The following TAS2R1 variants were observed in gnomAD, a reference collection of about 807,000 sequenced individuals.
The protein encoded by TAS2R1 is taste receptor type 2 member 1.
For synonymous variants in TAS2R1, 141 were observed against 134.2 expected, an observed-to-expected ratio of 1.05 and a Z score of -0.35; for missense variants, 370 against 353.4, an observed-to-expected ratio of 1.05 and a Z score of -0.38.
chr5:9,710,761 C>G (rs1467908805), intron 1 of TAS2R1, among the ~76,000 whole-genome samples: 1 of 151,352 alleles, frequency 6.6e-6, no homozygotes, highest in Admixed American at 6.6e-5. Flanking sequence ...AGAATACATA[C>G]AAATGGCCAA....
chr5:9,627,376 C>G lies in TAS2R1; in HGVS notation c.*1757G>C, dbSNP rs761132431. ...TTTTAGAATTGTTTTATTATGAATT[C>G]TTTTTTTAAACATTTCTTGATAACA... is the stretch of plus-strand genomic sequence containing the variant. On this transcript the variant is annotated 3_prime_UTR_variant, in exon 1 of 1. Coordinates refer to ENST00000382492, the MANE Select transcript of TAS2R1 (RefSeq NM_019599.3). Among the ~76,000 whole-genome samples the G allele has an allele frequency of 4.9e-4, 74 of 152,200 alleles. No homozygotes were observed. Among genetic ancestry groups the G allele is most frequent in the Non-Finnish European group, 5.9e-4 (40 of 67,996 alleles).
chr5:9,779,514 A>G, the TAS2R1 span, among the ~76,000 whole-genome samples: 3 of 152,196 alleles, frequency 2.0e-5, no homozygotes, highest in Admixed American at 6.5e-5. Context: ...TAACTGGCCT[A>G]TTTTCAATAT....
At chr5:9,640,440 G>GA (rs770686001) in intron 2 of TAS2R1, among the ~76,000 whole-genome samples, 2 of 126,130 alleles carry the variant, frequency 1.6e-5, no homozygotes, top group Admixed American at 9.7e-5. Context: ...CAAGCTGTTG[G>GA]AAAAATGACC....
the TAS2R1 span, among the ~76,000 whole-genome samples, chr5:9,811,508 G>T: frequency 2.6e-5 from 4 of 152,258 alleles, no homozygotes; most frequent in Non-Finnish European, 4.4e-5. Flanking sequence ...TAGGACAGTT[G>T]TTCCTGAGCC....
chr5:9,762,364 C>T, the TAS2R1 span, among the ~76,000 whole-genome samples: 1 of 152,238 alleles, frequency 6.6e-6, no homozygotes, highest in Admixed American at 6.5e-5. Flanking sequence ...AGTCAAGGGA[C>T]CCCAGTCTCG....
rs968862884 is a variant in TAS2R1 at position 9,629,035 on chromosome 5, A to G, written c.*98T>C. 1.3e-5 allele frequency: 17 copies of G among 1,291,140 alleles called. No homozygotes were observed. Among genetic ancestry groups the G allele is most frequent in the African/African-American group, 8.9e-5 (6 of 67,630 alleles). The allele number at this position is 1,291,140 out of a possible 1,614,324, so 80.0% of individuals were successfully genotyped here. The stretch of plus-strand genomic sequence containing the variant: ...AACAGGCCTGAAGGGGACATGTTGT[A>G]TATTTATGAACAGGCTGCTTTGTCT... On this transcript the variant is annotated 3_prime_UTR_variant, in exon 1 of 1. Coordinates refer to ENST00000382492, the MANE Select transcript of TAS2R1 (RefSeq NM_019599.3).
At chr5:9,683,027 T>C (rs1741056636) in intron 1 of TAS2R1, among the ~76,000 whole-genome samples, 1 of 152,310 alleles carries the variant, frequency 6.6e-6, no homozygotes, top group Non-Finnish European at 1.5e-5. Flanking sequence ...AAAAGATCCT[T>C]TAATGTAGTC....
At chr5:9,836,285 G>A in the TAS2R1 span, among the ~76,000 whole-genome samples, 1 of 151,966 alleles carries the variant, frequency 6.6e-6, no homozygotes, top group African/African-American at 2.4e-5. Context: ...GCATGAAAAT[G>A]GACTAATAAA....
chr5:9,712,206 C>T (rs573782596), upstream of TAS2R1: 106 of 152,248 alleles, frequency 7.0e-4, no homozygotes, highest in African/African-American at 2.5e-3. Context: ...TGTTTATTAT[C>T]CCAGGTCTAC....
At chr5:9,887,072 A>C in the TAS2R1 span, among the ~76,000 whole-genome samples, 1 of 152,206 alleles carries the variant, frequency 6.6e-6, no homozygotes, top group South Asian at 2.1e-4. Context: ...AGTCACTTAC[A>C]TGGAGACTAC....
the TAS2R1 span, among the ~76,000 whole-genome samples, chr5:9,819,108 G>A: frequency 6.6e-6 from 1 of 152,152 alleles, no homozygotes; most frequent in African/African-American, 2.4e-5. Context: ...CTCAGTTACT[G>A]CTTTAGGTAG....
At chr5:9,861,773 G>A in the TAS2R1 span, among the ~76,000 whole-genome samples, 2 of 152,188 alleles carry the variant, frequency 1.3e-5, no homozygotes, top group Admixed American at 6.5e-5. Flanking sequence ...AATTTAGGAT[G>A]AGGGAGTGGG....
At chr5:9,729,237 C>T in the TAS2R1 span, among the ~76,000 whole-genome samples, 1 of 152,178 alleles carries the variant, frequency 6.6e-6, no homozygotes, top group Admixed American at 6.5e-5. Flanking sequence ...TAAAGAAGGA[C>T]CTCATCTCTC....
At chr5:9,893,659 A>C in the TAS2R1 span, among the ~76,000 whole-genome samples, 1 of 152,336 alleles carries the variant, frequency 6.6e-6, no homozygotes, top group South Asian at 2.1e-4. Flanking sequence ...CTTCTACTTC[A>C]GTTCCCTATC....
chr5:9,753,095 C>A, the TAS2R1 span, among the ~76,000 whole-genome samples: 148 of 152,150 alleles, frequency 9.7e-4, 1 homozygote, highest in Non-Finnish European at 2.0e-3. Context: ...AATGGTATTT[C>A]TAGTTCTAGA....
chr5:9,780,239 T>C, the TAS2R1 span, among the ~76,000 whole-genome samples: 1 of 152,180 alleles, frequency 6.6e-6, no homozygotes. Flanking sequence ...TGGGAAGAGA[T>C]TTCTTTGCTG....
At chr5:9,738,380 T>C in the TAS2R1 span, among the ~76,000 whole-genome samples, 1 of 152,058 alleles carries the variant, frequency 6.6e-6, no homozygotes, top group East Asian at 1.9e-4. Flanking sequence ...TCCTGATAAA[T>C]GAACCAGAGA....
chr5:9,787,932 G>C, the TAS2R1 span, among the ~76,000 whole-genome samples: 8 of 152,212 alleles, frequency 5.3e-5, no homozygotes, highest in Non-Finnish European at 8.8e-5. Context: ...TTGACCAACA[G>C]CGTCTGAGGG....
intron 2 of TAS2R1, among the ~76,000 whole-genome samples, chr5:9,653,765 G>T (rs1217324181): frequency 1.3e-5 from 2 of 152,174 alleles, no homozygotes; most frequent in African/African-American, 4.8e-5. Context: ...TACTGTCATA[G>T]ATTTTAATGA....
Sources: allele counts gnomAD v4.1 joint callset (sites outside exome capture counted in the v4.1 genomes callset), GRCh38; gene constraint gnomAD v4.1.1; transcripts MANE v1.5; gene names NCBI Gene and HGNC (gene_info 2026-07-23, HGNC 2026-07-21).